The following TSHR variants were observed in gnomAD, a reference collection of about 807,000 sequenced individuals.
The protein encoded by TSHR is thyrotropin receptor.
Under a neutral mutation model 64.1 loss-of-function variants are expected in TSHR, and 51 were observed. The ratio of observed to expected loss-of-function variants is 0.80; its 90% CI spans 0.64 to 1.01. TSHR has a LOEUF of 1.01. Among genes scored for constraint, TSHR ranks in the 50% least tolerant of loss-of-function variants. The pLI is 0.00. For synonymous variants in TSHR, 361 were observed against 361.9 expected (o/e 1.00, Z 0.03); for missense variants, 877 against 942.8 (o/e 0.93, Z 0.91).
Position 81,100,686 on chromosome 14 carries a change from A to C in TSHR, c.614+3979A>C, listed in dbSNP as rs369229204. On this transcript the variant is annotated intron_variant, in intron 7 of 9. Coordinates refer to ENST00000298171, the MANE Select transcript of TSHR (RefSeq NM_000369.5). ...CAGTTAATTTGCTAAAGCAGCTCAC[A>C]GAACTCAGGGAGACACTTTAAAGGA... is the stretch of plus-strand genomic sequence containing the variant. 1.2e-4 allele frequency among the ~76,000 whole-genome samples: 19 copies of C among 152,364 alleles called. No homozygotes were observed. In the East Asian group the frequency reaches 3.3e-3, roughly 26 times the overall value.
At chr14:80,984,178 T>C (rs940653942) in intron 1 of TSHR, among the ~76,000 whole-genome samples, 4 of 152,210 alleles carry the variant, frequency 2.6e-5, no homozygotes, top group African/African-American at 9.7e-5. Flanking sequence ...ACTACTCTTT[T>C]TCTCCTATTC....
At chr14:81,002,030 C>A (rs543805833) in intron 1 of TSHR, among the ~76,000 whole-genome samples, 1 of 152,240 alleles carries the variant, frequency 6.6e-6, no homozygotes, top group Admixed American at 6.5e-5. Flanking sequence ...TTTTTGGCAA[C>A]CTACATTGCA....
At chr14:81,092,467 C>A in intron 5 of TSHR, 64 bp from the exon 6 acceptor site, 1 of 1,451,938 alleles carries the variant, frequency 6.9e-7, no homozygotes, top group Non-Finnish European at 9.7e-7. Context: ...ATATGCGCAG[C>A]AAGACCCCTG....
chr14:81,108,923 A>G, intron 8 of TSHR: 1 of 1,394,474 alleles, frequency 7.2e-7, no homozygotes, highest in Non-Finnish European at 9.3e-7. Flanking sequence ...ATGGAATAAA[A>G]ACATTTTTTA....
intron 8 of TSHR, among the ~76,000 whole-genome samples, chr14:81,133,958 G>C (rs1340069340): frequency 1.3e-5 from 2 of 151,950 alleles, no homozygotes; most frequent in Non-Finnish European, 2.9e-5. Context: ...CACACTAAGA[G>C]CTACTGTTCA....
At chr14:81,035,511 C>G (rs951359007) in intron 1 of TSHR, among the ~76,000 whole-genome samples, 5 of 152,186 alleles carry the variant, frequency 3.3e-5, no homozygotes, top group South Asian at 2.1e-4. Flanking sequence ...GCTGCTGATG[C>G]TGCCATGTAA....
rs201332181 is a variant in TSHR at position 81,110,095 on chromosome 14, T to TA, written c.692+1649dup. ...TTCACATATTATGCGATTTTCCTGA[T>TA]AAAAAATTGTCAATGCCATAAAAAT... On this transcript the variant is annotated intron_variant, in intron 8 of 9. Coordinates refer to ENST00000298171, the MANE Select transcript of TSHR (RefSeq NM_000369.5). 3.5e-3 allele frequency among the ~76,000 whole-genome samples: 514 copies of TA among 148,148 alleles called. 5 individuals are homozygous for TA. The highest frequency in any genetic ancestry group is 0.012 in the African/African-American group (504 of 40,976).
At chr14:81,028,653 C>T (rs1884196900) in intron 1 of TSHR, among the ~76,000 whole-genome samples, 1 of 152,050 alleles carries the variant, frequency 6.6e-6, no homozygotes, top group Non-Finnish European at 1.5e-5. Context: ...AAATGGAAAT[C>T]CTACCAGGAA....
chr14:81,127,311 T>C (rs1467750572), intron 8 of TSHR, among the ~76,000 whole-genome samples: 1 of 152,212 alleles, frequency 6.6e-6, no homozygotes, highest in Non-Finnish European at 1.5e-5. Context: ...AAATCTATTT[T>C]GTTAATTACA....
intron 4 of TSHR, among the ~76,000 whole-genome samples, chr14:81,088,966 T>C (rs1888502530): frequency 6.7e-6 from 1 of 148,842 alleles, no homozygotes; most frequent in East Asian, 2.0e-4. Context: ...GCAGCTTCTT[T>C]GGGGAACTAA....
intron 8 of TSHR, among the ~76,000 whole-genome samples, chr14:81,130,454 C>T (rs142727169): frequency 3.2e-4 from 49 of 152,324 alleles, no homozygotes; most frequent in African/African-American, 1.1e-3. Context: ...AATCACTACT[C>T]TCTCTTGGTT....
intron 3 of TSHR, among the ~76,000 whole-genome samples, chr14:81,068,652 T>C (rs1162087176): frequency 6.6e-6 from 1 of 152,218 alleles, no homozygotes; most frequent in African/African-American, 2.4e-5. Context: ...CTTGATTCTA[T>C]GGTCTGTGCA....
At chr14:80,978,675 A>G (rs1407369959) in intron 1 of TSHR, among the ~76,000 whole-genome samples, 1 of 152,168 alleles carries the variant, frequency 6.6e-6, no homozygotes, top group Non-Finnish European at 1.5e-5. Context: ...GGTGCTGCAG[A>G]TGGAGGCTGG....
At chr14:80,979,906 T>C (rs919215301) in intron 1 of TSHR, among the ~76,000 whole-genome samples, 1 of 152,200 alleles carries the variant, frequency 6.6e-6, no homozygotes, top group Admixed American at 6.5e-5. Flanking sequence ...GTGAGGGTGA[T>C]CAGCCTGTAC....
chr14:81,076,213 T>C (rs1422264357), intron 3 of TSHR, among the ~76,000 whole-genome samples: 4 of 152,170 alleles, frequency 2.6e-5, no homozygotes, highest in Admixed American at 2.0e-4. Flanking sequence ...CCTCTTCCCT[T>C]GGCCTCTGTG....
At chr14:81,003,625 G>C (rs1022765571) in intron 1 of TSHR, 12 of 187,726 alleles carry the variant, frequency 6.4e-5, no homozygotes, top group African/African-American at 2.3e-4. Flanking sequence ...GGTTTTCTGG[G>C]TCGAGTGAAT....
chr14:81,032,432 C>G (rs1385779824), intron 1 of TSHR: 1 of 274,264 alleles, frequency 3.6e-6, no homozygotes, highest in Non-Finnish European at 7.3e-6. Context: ...AATCGCCTAC[C>G]TTGCAAGACA....
chr14:81,138,545 T>A (rs1279716524), intron 8 of TSHR, among the ~76,000 whole-genome samples: 1 of 152,140 alleles, frequency 6.6e-6, no homozygotes, highest in Non-Finnish European at 1.5e-5. Context: ...ATTATATATT[T>A]TTTTAATTAA....
At position 81,054,154 on chromosome 14, in the gene TSHR, T is replaced by G. The variant is rs375476511; in HGVS notation, c.171-7994T>G. 4.6e-5 allele frequency among the ~76,000 whole-genome samples: 7 copies of G among 152,218 alleles called. No homozygotes were observed. The East Asian group carries it at 1.3e-3, about 29-fold the overall frequency. ...GGTCTTTCCTGTGCTGTCTTCATGA[T>G]AGTGAATAAGTCTCACAAGATCTGA... On this transcript the variant is annotated intron_variant, in intron 1 of 9. Transcript: ENST00000298171.
Sources: gnomAD v4.1 joint callset for allele counts (sites outside exome capture counted in the v4.1 genomes callset) on GRCh38, gnomAD v4.1.1 for gene constraint, MANE v1.5 for transcripts, NCBI Gene and HGNC (gene_info 2026-07-23, HGNC 2026-07-21) for gene names.